Variants in NFIA observed in about 807,000 individuals in gnomAD.
NFIA encodes the protein nuclear factor I A, also known as nuclear factor 1 A-type.
NFIA carries 8 observed loss-of-function variants against 62.8 expected under a neutral mutation model. The observed-to-expected ratio is 0.13, with a 90% confidence interval of 0.07 to 0.23. The LOEUF (loss-of-function observed/expected upper bound fraction) is 0.23. Ranked by LOEUF, NFIA falls within the 10% of genes least tolerant of loss-of-function variation. The pLI is 1.00. For missense variants in NFIA, 410 were observed against 642.1 expected, an observed-to-expected ratio of 0.64 and a Z score of 3.91; for synonymous variants, 235 against 238.1, an observed-to-expected ratio of 0.99 and a Z score of 0.12.
rs77194299 is a variant in NFIA at position 61,306,562 on chromosome 1, T to A, written c.626-25950T>A. Among the ~76,000 whole-genome samples the A allele has an allele frequency of 1.8e-3, 269 of 152,292 alleles. 4 individuals carry two copies. Among genetic ancestry groups the A allele is most frequent in the African/African-American group, 6.3e-3 (261 of 41,566 alleles). ...AGTGCTGCTAGATTTTGTTCTCAAA[T>A]AGCAGCTGTAGGATTTGGTGTGGTA... On this transcript the variant is annotated intron_variant, in intron 3 of 10. Coordinates refer to ENST00000403491, the MANE Select transcript of NFIA (RefSeq NM_001134673.4).
At chr1:61,161,412 C>T (rs992811724) in intron 2 of NFIA, among the ~76,000 whole-genome samples, 10 of 152,080 alleles carry the variant, frequency 6.6e-5, no homozygotes, top group Non-Finnish European at 1.2e-4. Context: ...TTTTTCATTC[C>T]AGAGCAGCAA....
intron 2 of NFIA, among the ~76,000 whole-genome samples, chr1:61,231,934 T>G (rs1037805641): frequency 6.6e-6 from 1 of 152,134 alleles, no homozygotes; most frequent in African/African-American, 2.4e-5. Flanking sequence ...CTATATCATC[T>G]ATTTTATAGA....
intron 2 of NFIA, among the ~76,000 whole-genome samples, chr1:61,206,488 T>G (rs1235794100): frequency 6.6e-6 from 1 of 152,208 alleles, no homozygotes; most frequent in Non-Finnish European, 1.5e-5. Flanking sequence ...TCCATGGGCT[T>G]TAGACTGAAA....
intron 3 of NFIA, among the ~76,000 whole-genome samples, chr1:61,307,478 C>T (rs1659864954): frequency 2.0e-5 from 3 of 152,162 alleles, no homozygotes; most frequent in Admixed American, 2.0e-4. Flanking sequence ...TTCGTTACAG[C>T]AGCCCAAAAG....
At chr1:61,285,486 TC>T (rs1427762042) in intron 3 of NFIA, among the ~76,000 whole-genome samples, 2 of 152,220 alleles carry the variant, frequency 1.3e-5, no homozygotes, top group African/African-American at 4.8e-5. Context: ...GAGTCACTAA[TC>T]CAGATTGATT....
intron 2 of NFIA, among the ~76,000 whole-genome samples, chr1:61,216,238 A>G (rs1653616381): frequency 6.6e-6 from 1 of 152,204 alleles, no homozygotes; most frequent in Admixed American, 6.5e-5. Context: ...GTCCAGTGCT[A>G]TCATCATATC....
intron 7 of NFIA, among the ~76,000 whole-genome samples, chr1:61,387,590 A>G (rs886398806): frequency 6.8e-6 from 1 of 147,680 alleles, no homozygotes; most frequent in African/African-American, 2.5e-5. Context: ...GCTGCCTTTC[A>G]TGTCTGCACA....
At chr1:61,173,351 T>C (rs1485586975) in intron 2 of NFIA, among the ~76,000 whole-genome samples, 1 of 152,148 alleles carries the variant, frequency 6.6e-6, no homozygotes, top group Admixed American at 6.5e-5. Flanking sequence ...CATGGGCAAG[T>C]CACTGACTTC....
intron 9 of NFIA, among the ~76,000 whole-genome samples, chr1:61,426,101 TTTC>T (rs887421896): frequency 2.6e-5 from 4 of 152,204 alleles, no homozygotes; most frequent in African/African-American, 9.6e-5. Context: ...TCCTACCTAA[TTTC>T]TTTCTCCCTC....
At chr1:61,130,476 A>T (rs954073756) in intron 2 of NFIA, among the ~76,000 whole-genome samples, 1 of 152,214 alleles carries the variant, frequency 6.6e-6, no homozygotes, top group Non-Finnish European at 1.5e-5. Flanking sequence ...GAAAAGACAG[A>T]ATTTATTTAG....
At chr1:61,339,688 A>G (rs148912015) in intron 4 of NFIA, among the ~76,000 whole-genome samples, 154 of 152,280 alleles carry the variant, frequency 1.0e-3, no homozygotes, top group African/African-American at 3.2e-3. Flanking sequence ...ATATTTGGGT[A>G]GTAAAGCTGG....
chr1:61,214,095 G>C (rs1251753322), intron 2 of NFIA, among the ~76,000 whole-genome samples: 1 of 152,210 alleles, frequency 6.6e-6, no homozygotes, highest in African/African-American at 2.4e-5. Context: ...GCTAATTTCT[G>C]CTTACACATG....
intron 2 of NFIA, among the ~76,000 whole-genome samples, chr1:61,205,291 A>G (rs887765030): frequency 6.6e-6 from 1 of 152,162 alleles, no homozygotes; most frequent in African/African-American, 2.4e-5. Context: ...ACTTAGCCTA[A>G]ATGATGTAGA....
In NFIA at chr1:61,155,055, G is replaced by A. The variant is rs535783538; in HGVS notation, c.559+66375G>A. 4.6e-5 allele frequency among the ~76,000 whole-genome samples: 7 copies of A among 152,218 alleles called. No individual in the cohort carries two copies. In the East Asian group the frequency reaches 9.6e-4, roughly 21 times the overall value. ...GTTCCTTAAATCTCCCTAGGCCTTGGTTTCCTCATTTGTAAAATGGGGATA... is the reference window on the plus strand; with the variant it reads ...GTTCCTTAAATCTCCCTAGGCCTTGATTTCCTCATTTGTAAAATGGGGATA... On this transcript the variant is annotated intron_variant, in intron 2 of 10. Coordinates refer to ENST00000403491, the MANE Select transcript of NFIA (RefSeq NM_001134673.4).
At chr1:61,140,587 T>A (rs1647432322) in intron 2 of NFIA, among the ~76,000 whole-genome samples, 1 of 152,038 alleles carries the variant, frequency 6.6e-6, no homozygotes, top group African/African-American at 2.4e-5. Flanking sequence ...ATTTATAAAA[T>A]AGCCTGGGAT....
intron 2 of NFIA, among the ~76,000 whole-genome samples, chr1:61,136,494 T>C (rs1423713946): frequency 1.3e-5 from 2 of 152,190 alleles, no homozygotes; most frequent in East Asian, 3.8e-4. Flanking sequence ...GCTTGAGTAG[T>C]ATAAAAAGGC....
At chr1:61,448,274 G>C (rs986730429) in intron 10 of NFIA, among the ~76,000 whole-genome samples, 1 of 152,004 alleles carries the variant, frequency 6.6e-6, no homozygotes, top group African/African-American at 2.4e-5. Flanking sequence ...GGGTTTCACC[G>C]CTCTGATTTT....
intron 10 of NFIA, among the ~76,000 whole-genome samples, chr1:61,448,833 G>A (rs1273821879): frequency 6.6e-6 from 1 of 152,204 alleles, no homozygotes; most frequent in Non-Finnish European, 1.5e-5. Flanking sequence ...AAAGAAAAAT[G>A]TACTTGGTGG....
chr1:61,443,454 A>G (rs12741766), intron 10 of NFIA, among the ~76,000 whole-genome samples: 64,820 of 151,814 alleles, frequency 0.43, 14,745 homozygotes, highest in South Asian at 0.58. Flanking sequence ...GCTTCTCTGA[A>G]CCCCACCACC....
Sources: allele counts gnomAD v4.1 joint callset (sites outside exome capture counted in the v4.1 genomes callset), GRCh38; gene constraint gnomAD v4.1.1; transcripts MANE v1.5; gene names NCBI Gene and HGNC (gene_info 2026-07-23, HGNC 2026-07-21).